ASTN2: variants seen among roughly 807,000 people sequenced by gnomAD.
ASTN2 encodes the protein astrotactin 2.
Under a neutral mutation model 139.8 loss-of-function variants are expected in ASTN2, and 54 were observed. The observed-to-expected ratio is 0.39, with a 90% confidence interval of 0.31 to 0.48. ASTN2 has a LOEUF of 0.48. Ranked by LOEUF, ASTN2 falls within the 20% of genes least tolerant of loss-of-function variation. The probability of loss-of-function intolerance (pLI) is 0.95; values close to 1 mark genes in which losing one functional copy is unlikely to be tolerated. For missense variants in ASTN2, 1,565 were observed against 1,725.1 expected, an observed-to-expected ratio of 0.91 and a Z score of 1.64; for synonymous variants, 756 against 719.5, an observed-to-expected ratio of 1.05 and a Z score of -0.81.
At chr9:117,385,073 A>G (rs1830362841) in intron 1 of ASTN2, among the ~76,000 whole-genome samples, 1 of 152,166 alleles carries the variant, frequency 6.6e-6, no homozygotes, top group Non-Finnish European at 1.5e-5. Flanking sequence ...GAAGTTTTTG[A>G]TGCTTTCTGG....
At chr9:116,434,330 A>C (rs2118840403) in intron 22 of ASTN2, among the ~76,000 whole-genome samples, 1 of 152,348 alleles carries the variant, frequency 6.6e-6, no homozygotes, top group South Asian at 2.1e-4. Flanking sequence ...TCTTGTTCCC[A>C]ATATCTTAAA....
chr9:117,402,630 T>A (rs1440243587), intron 1 of ASTN2, among the ~76,000 whole-genome samples: 5 of 152,208 alleles, frequency 3.3e-5, no homozygotes, highest in Non-Finnish European at 7.3e-5. Flanking sequence ...TTTCAGATAG[T>A]CAGCGAGACA....
intron 10 of ASTN2, among the ~76,000 whole-genome samples, chr9:116,950,719 C>T (rs1835533594): frequency 6.6e-6 from 1 of 152,092 alleles, no homozygotes; most frequent in South Asian, 2.1e-4. Flanking sequence ...TCTAGAATTA[C>T]CTCTTTCTCA....
chr9:116,642,907 C>A (rs1221445268), intron 17 of ASTN2, among the ~76,000 whole-genome samples: 1 of 152,176 alleles, frequency 6.6e-6, no homozygotes, highest in African/African-American at 2.4e-5. Context: ...TTCTGCCTAT[C>A]CCTTTTCCAG....
At chr9:117,249,824 C>T (rs563668183) in intron 2 of ASTN2, among the ~76,000 whole-genome samples, 1 of 152,226 alleles carries the variant, frequency 6.6e-6, no homozygotes, top group Non-Finnish European at 1.5e-5. Flanking sequence ...AGGGTAACAC[C>T]TATGCCCTTA....
chr9:117,006,491 C>T (rs1837357303), intron 7 of ASTN2, among the ~76,000 whole-genome samples: 1 of 152,106 alleles, frequency 6.6e-6, no homozygotes, highest in Non-Finnish European at 1.5e-5. Context: ...AGAATCTGAT[C>T]ACTGTTCACC....
intron 3 of ASTN2, chr9:117,180,712 AG>A: frequency 6.3e-7 from 1 of 1,591,222 alleles, no homozygotes; most frequent in Non-Finnish European, 8.5e-7. Flanking sequence ...TCATGAGTGC[AG>A]GGCCCGCCAC....
chr9:117,098,667 C>A (rs1402056240), intron 4 of ASTN2, among the ~76,000 whole-genome samples: 4 of 151,634 alleles, frequency 2.6e-5, no homozygotes, highest in Admixed American at 2.6e-4. Flanking sequence ...AAAGGCTTAG[C>A]TTTGAAGTGG....
intron 17 of ASTN2, among the ~76,000 whole-genome samples, chr9:116,622,804 T>C (rs1488972891): frequency 1.3e-5 from 2 of 152,224 alleles, no homozygotes; most frequent in African/African-American, 2.4e-5. Flanking sequence ...GGCCAGGGTG[T>C]GTCACACAGT....
intron 11 of ASTN2, among the ~76,000 whole-genome samples, chr9:116,851,545 C>T (rs1488533880): frequency 6.6e-6 from 1 of 150,666 alleles, no homozygotes; most frequent in Admixed American, 6.6e-5. Flanking sequence ...AGTAAATCTA[C>T]TAAAAGGACA....
At chr9:117,102,751 A>G (rs1829011352) in intron 4 of ASTN2, among the ~76,000 whole-genome samples, 2 of 152,048 alleles carry the variant, frequency 1.3e-5, no homozygotes, top group Non-Finnish European at 2.9e-5. Flanking sequence ...TGAACTCCTG[A>G]CCTTAGATGA....
At chr9:116,576,194 G>A (rs762440771) in intron 19 of ASTN2, among the ~76,000 whole-genome samples, 27 of 152,140 alleles carry the variant, frequency 1.8e-4, no homozygotes, top group Admixed American at 6.6e-4. Flanking sequence ...ATGAAAAGAG[G>A]AAGGAGGACT....
At chr9:116,660,823 C>G (rs1374156198) in intron 16 of ASTN2, among the ~76,000 whole-genome samples, 1 of 152,170 alleles carries the variant, frequency 6.6e-6, no homozygotes, top group East Asian at 1.9e-4. Flanking sequence ...CCTCTCCAAC[C>G]TTAGTTTGTT....
rs989322702 is a variant in ASTN2, at chr9:117,060,756, G to A, written c.1277-20791C>T. Among the ~76,000 whole-genome samples the A allele has an allele frequency of 1.3e-3, 196 of 151,920 alleles. 1 individual carries two copies. Among genetic ancestry groups the A allele is most frequent in the African/African-American group, 4.3e-3 (180 of 41,424 alleles). On this transcript the variant is annotated intron_variant, in intron 5 of 22. Transcript: ENST00000313400. ...AAAATACAAAAAAAATTAGCCGGGT[G>A]TGATGGCAGGCACCTGTAGTCCCAG... is the stretch of plus-strand genomic sequence containing the variant.
chr9:117,336,529 C>T (rs1234656687), intron 1 of ASTN2, among the ~76,000 whole-genome samples: 1 of 152,088 alleles, frequency 6.6e-6, no homozygotes, highest in African/African-American at 2.4e-5. Context: ...CACCTCAGCC[C>T]CCAAATCCTG....
intron 7 of ASTN2, among the ~76,000 whole-genome samples, chr9:116,994,603 A>G (rs995836102): frequency 6.6e-6 from 1 of 152,216 alleles, no homozygotes; most frequent in Admixed American, 6.5e-5. Context: ...TATTTCAAAT[A>G]TGGTGAATGT....
chr9:116,943,405 A>C (rs948999843), intron 10 of ASTN2, among the ~76,000 whole-genome samples: 1 of 152,200 alleles, frequency 6.6e-6, no homozygotes, highest in Non-Finnish European at 1.5e-5. Flanking sequence ...GCCTGCTTAC[A>C]TAAGTATCTA....
chr9:116,501,998 GCCTC>G (rs1849873232), intron 19 of ASTN2, among the ~76,000 whole-genome samples: 1 of 151,922 alleles, frequency 6.6e-6, no homozygotes, highest in Non-Finnish European at 1.5e-5. Context: ...GAGGCAACAA[GCCTC>G]CAGAAGGGTG....
intron 20 of ASTN2, among the ~76,000 whole-genome samples, chr9:116,456,991 C>G (rs1011452940): frequency 5.9e-5 from 9 of 152,070 alleles, no homozygotes; most frequent in Non-Finnish European, 8.8e-5. Flanking sequence ...ATGGTACTGT[C>G]ATAAAAACAG....
Sources: allele counts gnomAD v4.1 joint callset (sites outside exome capture counted in the v4.1 genomes callset), GRCh38; gene constraint gnomAD v4.1.1; transcripts MANE v1.5; gene names NCBI Gene and HGNC (gene_info 2026-07-23, HGNC 2026-07-21).